Variants in CA10 observed in about 807,000 individuals in gnomAD.
CA10 encodes the protein carbonic anhydrase-related protein 10.
Under a neutral mutation model 44.2 loss-of-function variants are expected in CA10, and 14 were observed. That is an observed-to-expected ratio of 0.32 (90% CI 0.21 to 0.50). The LOEUF is 0.50. Among genes scored for constraint, CA10 ranks in the 20% least tolerant of loss-of-function variants. CA10 has a pLI of 0.99. For synonymous variants in CA10, 159 were observed against 141.6 expected (o/e 1.12, Z -0.87); for missense variants, 350 against 409.7 (o/e 0.85, Z 1.26).
At chr17:52,067,453 T>G (rs539864967) in intron 2 of CA10, among the ~76,000 whole-genome samples, 1 of 152,192 alleles carries the variant, frequency 6.6e-6, no homozygotes, top group Admixed American at 6.5e-5. Context: ...TTTGCTGCAG[T>G]GGGGAGCCCT....
At chr17:51,906,398 A>G (rs1037742970) in intron 3 of CA10, among the ~76,000 whole-genome samples, 1 of 152,014 alleles carries the variant, frequency 6.6e-6, no homozygotes, top group Non-Finnish European at 1.5e-5. Context: ...CTTTTATGGC[A>G]CCACACTTTC....
intron 3 of CA10, among the ~76,000 whole-genome samples, chr17:51,865,128 A>G (rs1979486651): frequency 6.6e-6 from 1 of 152,148 alleles, no homozygotes; most frequent in African/African-American, 2.4e-5. Context: ...CTGAAGTATG[A>G]CTGGTATACA....
At chr17:51,636,345 C>T (rs1343978969) in intron 6 of CA10, among the ~76,000 whole-genome samples, 1 of 152,150 alleles carries the variant, frequency 6.6e-6, no homozygotes, top group South Asian at 2.1e-4. Context: ...TGGACCTGTG[C>T]GGATCACAGT....
chr17:52,134,152 A>G (rs1989300345), intron 1 of CA10, among the ~76,000 whole-genome samples: 1 of 152,238 alleles, frequency 6.6e-6, no homozygotes, highest in Non-Finnish European at 1.5e-5. Flanking sequence ...ATGTGCTCAC[A>G]TTCAAAGATT....
At chr17:51,915,668 A>T (rs1332874489) in intron 3 of CA10, among the ~76,000 whole-genome samples, 1 of 152,130 alleles carries the variant, frequency 6.6e-6, no homozygotes, top group Non-Finnish European at 1.5e-5. Context: ...ATATCATAGC[A>T]TCATACCATT....
intron 2 of CA10, among the ~76,000 whole-genome samples, chr17:51,959,417 G>A (rs528028463): frequency 7.3e-5 from 11 of 151,474 alleles, no homozygotes; most frequent in African/African-American, 2.7e-4. Context: ...AATAGCATAG[G>A]GAACCTAAAG....
At chr17:51,847,918 C>A (rs930176499) in intron 3 of CA10, among the ~76,000 whole-genome samples, 1 of 152,172 alleles carries the variant, frequency 6.6e-6, no homozygotes, top group East Asian at 1.9e-4. Context: ...ACTTTCCAGA[C>A]GAGACCTTTT....
chr17:51,631,646 A>ACAT, intron 8 of CA10, 40 bp from the exon 9 acceptor site: 1 of 1,555,522 alleles, frequency 6.4e-7, no homozygotes, highest in Non-Finnish European at 8.9e-7. Context: ...CACACATACA[A>ACAT]CATAAAACGA....
intron 3 of CA10, among the ~76,000 whole-genome samples, chr17:51,820,024 A>G (rs1907705460): frequency 6.6e-6 from 1 of 151,598 alleles, no homozygotes; most frequent in Non-Finnish European, 1.5e-5. Flanking sequence ...ACATTTTCTC[A>G]CTTAATCATT....
At chr17:51,895,377 A>T (rs1192202488) in intron 3 of CA10, among the ~76,000 whole-genome samples, 1 of 152,082 alleles carries the variant, frequency 6.6e-6, no homozygotes, top group Non-Finnish European at 1.5e-5. Flanking sequence ...TCATTAAAGT[A>T]TGGGGCAGAG....
chr17:52,003,334 T>C (rs895928673), intron 2 of CA10, among the ~76,000 whole-genome samples: 1 of 151,918 alleles, frequency 6.6e-6, no homozygotes, highest in African/African-American at 2.4e-5. Context: ...AAGATGCCTG[T>C]CCTGTGGGTT....
At chr17:51,680,008 T>TA (rs770285885) in intron 4 of CA10, among the ~76,000 whole-genome samples, 3 of 152,244 alleles carry the variant, frequency 2.0e-5, no homozygotes, top group Non-Finnish European at 4.4e-5. Flanking sequence ...TGTCTGTGAC[T>TA]GCTTTCCCAC....
At chr17:51,888,932 T>C (rs1190671859) in intron 3 of CA10, among the ~76,000 whole-genome samples, 2 of 152,200 alleles carry the variant, frequency 1.3e-5, no homozygotes, top group African/African-American at 2.4e-5. Context: ...CGTCTGGAGA[T>C]ACATTATGTG....
chr17:51,989,037 A>T (rs1453207644), intron 2 of CA10, among the ~76,000 whole-genome samples: 1 of 152,016 alleles, frequency 6.6e-6, no homozygotes, highest in African/African-American at 2.4e-5. Flanking sequence ...AGTGTGTTCT[A>T]GATCCTTGTT....
chr17:51,815,731 A>G (rs1202959796), intron 3 of CA10, among the ~76,000 whole-genome samples: 1 of 152,216 alleles, frequency 6.6e-6, no homozygotes, highest in East Asian at 1.9e-4. Context: ...GGAATTTGAG[A>G]GAGAAAAAAT....
intron 3 of CA10, among the ~76,000 whole-genome samples, chr17:51,897,064 C>G (rs987172042): frequency 6.6e-6 from 1 of 151,962 alleles, no homozygotes; most frequent in African/African-American, 2.4e-5. Flanking sequence ...TTTAGAAGCC[C>G]TTTAGTTTAA....
intron 4 of CA10, among the ~76,000 whole-genome samples, chr17:51,707,240 A>G (rs1567811140): frequency 2.0e-5 from 3 of 152,158 alleles, no homozygotes. Flanking sequence ...TTATAAGGTT[A>G]GTGTGGGCCA....
intron 2 of CA10, among the ~76,000 whole-genome samples, chr17:52,005,993 G>A (rs77221664): frequency 0.035 from 5,255 of 151,884 alleles, 312 homozygotes; most frequent in African/African-American, 0.12. Flanking sequence ...CACAGAGAGC[G>A]TCCTTTGTTC....
intron 1 of CA10, 124 bp downstream of exon 1, chr17:52,157,602 C>G (rs1989834740): frequency 1.2e-6 from 1 of 811,562 alleles, no homozygotes; most frequent in Non-Finnish European, 2.0e-6. Flanking sequence ...GGCGGCAAAC[C>G]CGCAGAACTC....
Sources: gnomAD v4.1 joint callset for allele counts (sites outside exome capture counted in the v4.1 genomes callset) on GRCh38, gnomAD v4.1.1 for gene constraint, MANE v1.5 for transcripts, NCBI Gene and HGNC (gene_info 2026-07-23, HGNC 2026-07-21) for gene names.